RPS6KB1: variants seen among roughly 807,000 people sequenced by gnomAD.
The protein encoded by RPS6KB1 is ribosomal protein S6 kinase beta-1.
In RPS6KB1, 12 loss-of-function variants were observed where a neutral mutation model predicts 70.2. The ratio of observed to expected loss-of-function variants is 0.17; its 90% confidence interval spans 0.11 to 0.28. The LOEUF (loss-of-function observed/expected upper bound fraction) is 0.28, where lower values mean the gene tolerates loss of function less well. RPS6KB1 is among the 10% of genes least tolerant of loss of function. The probability of loss-of-function intolerance (pLI) is 1.00; values close to 1 mark genes in which losing one functional copy is unlikely to be tolerated. For missense variants in RPS6KB1, 270 were observed against 646.6 expected (o/e 0.42, Z 6.32); for synonymous variants, 175 against 211.2 (o/e 0.83, Z 1.49).
chr17:59,917,986 T>C (rs1004725911), intron 4 of RPS6KB1, among the ~76,000 whole-genome samples: 1 of 152,160 alleles, frequency 6.6e-6, no homozygotes. Flanking sequence ...CAGGCTGGAG[T>C]GCAATGGCGC....
In RPS6KB1 at chr17:59,940,937, C is replaced by G; in HGVS notation, c.1221C>G (p.Val407=). 3 of 1,588,414 alleles carry G rather than the reference C, an allele frequency of 1.9e-6. No individual in the cohort carries two copies. The highest frequency in any genetic ancestry group is 2.6e-6 in the Non-Finnish European group (3 of 1,171,088). The change falls in exon 13 of 15, where the codon GTC becomes GTG. Residue 407 remains valine, a synonymous_variant. Coordinates refer to ENST00000225577, the MANE Select transcript of RPS6KB1 (RefSeq NM_003161.4). The stretch of plus-strand genomic sequence containing the variant: ...CTCTCAGTGAAAGTGCCAATCAGGT[C>G]TTTCTGGTAAGTGAAAGAATTTCCA... The part of the protein sequence containing the change: ...DSTLSESANQ[V]FLGFTYVAPS...
intron 12 of RPS6KB1, among the ~76,000 whole-genome samples, chr17:59,936,894 T>C (rs2044277346): frequency 6.6e-6 from 1 of 152,230 alleles, no homozygotes; most frequent in Non-Finnish European, 1.5e-5. Flanking sequence ...GGTCTCACTC[T>C]GTCACCCAGG....
intron 1 of RPS6KB1, among the ~76,000 whole-genome samples, chr17:59,908,221 C>T (rs1216683533): frequency 4.0e-5 from 6 of 149,044 alleles, no homozygotes; most frequent in Non-Finnish European, 8.9e-5. Flanking sequence ...GAGATGGAGT[C>T]TCACTCTGTC....
chr17:59,900,741 A>G (rs1443138318), intron 1 of RPS6KB1, among the ~76,000 whole-genome samples: 2 of 152,282 alleles, frequency 1.3e-5, no homozygotes, highest in South Asian at 2.1e-4. Flanking sequence ...TTTTAAAGCT[A>G]TATATTATAA....
At chr17:59,894,809 T>C (rs1353897091) in intron 1 of RPS6KB1, among the ~76,000 whole-genome samples, 1 of 152,016 alleles carries the variant, frequency 6.6e-6, no homozygotes, top group African/African-American at 2.4e-5. Context: ...TTCACCATAT[T>C]GGCCAGGCTG....
intron 6 of RPS6KB1, 37 bp from the exon 7 acceptor site, chr17:59,931,585 A>T: frequency 6.6e-7 from 1 of 1,521,630 alleles, no homozygotes; most frequent in Non-Finnish European, 9.1e-7. Context: ...GATAGATTAC[A>T]CTCTTTTTAA....
chr17:59,938,242 G>A (rs574313059), intron 12 of RPS6KB1, among the ~76,000 whole-genome samples: 1 of 146,998 alleles, frequency 6.8e-6, no homozygotes, highest in Non-Finnish European at 1.5e-5. Context: ...GCATGATAGT[G>A]GCTCATGGCA....
chr17:59,946,183 C>G lies in RPS6KB1; in HGVS notation c.1341-368C>G, dbSNP rs533285689. On this transcript the variant is annotated intron_variant, in intron 14 of 14. Transcript: ENST00000225577. The surrounding 1 kb of genome is among the most constrained non-coding windows in gnomAD (Gnocchi z 4.2). Reference sequence around the variant, plus strand: ...TGGAAGTGAAAGGGAAATCAGTGTTCCTGGAGTGTGTGGTGAGTGAGGAGA... The same window carrying G: ...TGGAAGTGAAAGGGAAATCAGTGTTGCTGGAGTGTGTGGTGAGTGAGGAGA... Among the ~76,000 whole-genome samples, 1 of 152,166 alleles carries G rather than the reference C, an allele frequency of 6.6e-6. No homozygotes were observed. The highest frequency in any genetic ancestry group is 2.1e-4 in the South Asian group (1 of 4,818).
At chr17:59,935,864 C>A (rs1273577576) in intron 10 of RPS6KB1, among the ~76,000 whole-genome samples, 1 of 151,316 alleles carries the variant, frequency 6.6e-6, no homozygotes, top group African/African-American at 2.4e-5. Context: ...GGCTGGAGTG[C>A]AATGGCATGA....
intron 4 of RPS6KB1, among the ~76,000 whole-genome samples, chr17:59,926,011 C>T (rs916739011): frequency 1.3e-5 from 2 of 152,068 alleles, no homozygotes; most frequent in African/African-American, 4.8e-5. Context: ...CCCCTGTTTA[C>T]CCTTACCATC....
chr17:59,928,415 C>CT (rs1263058773), intron 5 of RPS6KB1, among the ~76,000 whole-genome samples: 1 of 150,814 alleles, frequency 6.6e-6, no homozygotes, highest in African/African-American at 2.4e-5. Flanking sequence ...GAGTCTCACT[C>CT]TGTCGCCCAG....
rs1333318965 is a variant in RPS6KB1, at chr17:59,947,534, G to A, written c.*746G>A. The A allele has an allele frequency of 2.6e-6, 4 of 1,532,470 alleles. No individual in the cohort carries two copies. In the African/African-American group the frequency reaches 4.2e-5, roughly 16 times the overall value. The allele number at this position is 1,532,470 out of a possible 1,614,324, so 94.9% of individuals were successfully genotyped here. A position where few individuals can be genotyped will look rare whatever the true frequency, so the allele number is the denominator to read the frequency against. On this transcript the variant is annotated 3_prime_UTR_variant, in exon 15 of 15. Coordinates refer to ENST00000225577, the MANE Select transcript of RPS6KB1 (RefSeq NM_003161.4). ...TTTCAGTAACCCAGCTGCAATACCT[G>A]TCTGTAATATGAGAAAAAAAAAATG...
intron 7 of RPS6KB1, among the ~76,000 whole-genome samples, chr17:59,933,075 G>A (rs2044028471): frequency 6.6e-6 from 1 of 152,078 alleles, no homozygotes. Context: ...GAAGGTGGTA[G>A]CAGCTGCTAA....
chr17:59,897,564 C>A (rs1432769576), intron 1 of RPS6KB1, among the ~76,000 whole-genome samples: 6 of 151,864 alleles, frequency 4.0e-5, no homozygotes, highest in Non-Finnish European at 7.4e-5. Flanking sequence ...AGTGACTATG[C>A]GTTAGTAAAT....
intron 1 of RPS6KB1, among the ~76,000 whole-genome samples, chr17:59,909,109 G>A (rs910918464): frequency 3.4e-5 from 5 of 147,276 alleles, no homozygotes; most frequent in African/African-American, 1.3e-4. Context: ...TATTTTTTTA[G>A]TAGAGATGGG....
chr17:59,947,413 C>A lies in RPS6KB1; in HGVS notation c.*625C>A. The A allele has an allele frequency of 7.9e-7, 1 of 1,271,818 alleles. No individual in the cohort carries two copies. The highest frequency in any genetic ancestry group is 1.0e-6 in the Non-Finnish European group (1 of 1,001,722). The allele number at this position is 1,271,818 out of a possible 1,614,324, so 78.8% of individuals were successfully genotyped here. Reference sequence around the variant, plus strand: ...TGGTGTGAAGAAAGCCAGACAACTTCTGTTTCTTCTCTTGGTGAAATAATA... The same window carrying A: ...TGGTGTGAAGAAAGCCAGACAACTTATGTTTCTTCTCTTGGTGAAATAATA... On this transcript the variant is annotated 3_prime_UTR_variant, in exon 15 of 15. Transcript: ENST00000225577.
At chr17:59,922,040 ATTTT>A (rs36071603) in intron 4 of RPS6KB1, among the ~76,000 whole-genome samples, 1 of 130,140 alleles carries the variant, frequency 7.7e-6, no homozygotes, top group African/African-American at 2.9e-5. Flanking sequence ...GAATAAGGGC[ATTTT>A]TTTTTTTTTT....
intron 4 of RPS6KB1, among the ~76,000 whole-genome samples, chr17:59,915,267 G>A (rs2042874472): frequency 6.6e-6 from 1 of 152,048 alleles, no homozygotes; most frequent in Non-Finnish European, 1.5e-5. Context: ...GGGATTACAG[G>A]CATGAGCCAC....
chr17:59,947,220 A>G lies in RPS6KB1; in HGVS notation c.*432A>G, dbSNP rs1330621337. The G allele has an allele frequency of 8.7e-6, 9 of 1,029,014 alleles. No individual in the cohort carries two copies. The highest frequency in any genetic ancestry group is 8.7e-5 in the South Asian group (2 of 22,916). The allele number at this position is 1,029,014 out of a possible 1,614,324, so 63.7% of individuals were successfully genotyped here. A position where few individuals can be genotyped will look rare whatever the true frequency, so the allele number is the denominator to read the frequency against. ...ACAAATTAGCATGCAAGCTTGGTCA[A>G]ACTTTTTCCAGCAAAATGGAAGCAA... On this transcript the variant is annotated 3_prime_UTR_variant, in exon 15 of 15. Transcript: ENST00000225577.
Sources: allele counts gnomAD v4.1 joint callset (sites outside exome capture counted in the v4.1 genomes callset), GRCh38; gene constraint gnomAD v4.1.1; non-coding constraint Gnocchi (gnomAD v3.1); transcripts MANE v1.5; gene names NCBI Gene and HGNC (gene_info 2026-07-23, HGNC 2026-07-21).